The following C1orf21 variants were observed in gnomAD, a reference collection of about 807,000 sequenced individuals.
C1orf21 encodes the protein uncharacterized protein C1orf21.
C1orf21 carries 3 observed loss-of-function variants against 18.7 expected under a neutral mutation model. The ratio of observed to expected loss-of-function variants is 0.16; its 90% confidence interval spans 0.07 to 0.42. The LOEUF is 0.42. Among genes scored for constraint, C1orf21 ranks in the 10% least tolerant of loss-of-function variants. The probability of loss-of-function intolerance (pLI) is 0.99; values close to 1 mark genes in which losing one functional copy is unlikely to be tolerated. For missense variants in C1orf21, 104 were observed against 143.6 expected, an observed-to-expected ratio of 0.72 and a Z score of 1.41; for synonymous variants, 41 against 46.4, an observed-to-expected ratio of 0.88 and a Z score of 0.47.
At chr1:184,457,992 T>C (rs1243783537) in intron 1 of C1orf21, among the ~76,000 whole-genome samples, 2 of 152,148 alleles carry the variant, frequency 1.3e-5, no homozygotes, top group Non-Finnish European at 2.9e-5. Context: ...TCCTGTAAGG[T>C]AGATAGTATT....
chr1:184,621,874 A>G lies in C1orf21; in HGVS notation c.*2318A>G, dbSNP rs1458339831. On this transcript the variant is annotated 3_prime_UTR_variant, in exon 6 of 6. Coordinates refer to ENST00000235307, the MANE Select transcript of C1orf21 (RefSeq NM_030806.4). ...ACACTGGATACATCTTTGATGTGCG[A>G]AAGTGAGTTCATCTTCAGACACATT... 1.3e-5 allele frequency: 2 copies of G among 152,190 alleles called. No homozygotes were observed. Among genetic ancestry groups the G allele is most frequent in the Non-Finnish European group, 2.9e-5 (2 of 68,036 alleles). 9.4% of individuals were successfully genotyped at this position (152,190 alleles called of 1,614,324 possible).
intron 5 of C1orf21, among the ~76,000 whole-genome samples, chr1:184,599,854 G>A (rs112698036): frequency 3.6e-3 from 554 of 152,242 alleles, no homozygotes; most frequent in South Asian, 8.3e-3. Context: ...TCAATTTCTG[G>A]ACTAGGGTTG....
chr1:184,411,435 T>TG, intron 1 of C1orf21, among the ~76,000 whole-genome samples: 1 of 145,656 alleles, frequency 6.9e-6, no homozygotes, highest in South Asian at 2.3e-4. Flanking sequence ...TTTTTTTTTT[T>TG]TTTTGAGACG....
In C1orf21 at chr1:184,533,754, G is replaced by C. The variant is rs183197648; in HGVS notation, c.189+26072G>C. ...CCCCCATAAAATGTCCTTCAGGAAA[G>C]GGTGAATGGATGCCAGCCAGTTCCA... On this transcript the variant is annotated intron_variant, in intron 3 of 5. Transcript: ENST00000235307. Among the ~76,000 whole-genome samples the C allele has an allele frequency of 1.6e-3, 240 of 152,344 alleles. 2 individuals carry two copies. Among genetic ancestry groups the C allele is most frequent in the Non-Finnish European group, 1.7e-3 (117 of 68,032 alleles).
chr1:184,576,660 A>C (rs925914699), intron 3 of C1orf21, among the ~76,000 whole-genome samples: 11 of 152,222 alleles, frequency 7.2e-5, no homozygotes, highest in African/African-American at 2.7e-4. Flanking sequence ...GCAATGCTCA[A>C]CTAAACAGAC....
At chr1:184,458,955 C>T (rs1462189072) in intron 1 of C1orf21, among the ~76,000 whole-genome samples, 8 of 152,180 alleles carry the variant, frequency 5.3e-5, no homozygotes, top group Non-Finnish European at 1.0e-4. Flanking sequence ...TGTTTTTCCA[C>T]TCTTTGAGTG....
At chr1:184,610,999 G>C (rs1408249007) in intron 5 of C1orf21, among the ~76,000 whole-genome samples, 2 of 152,100 alleles carry the variant, frequency 1.3e-5, no homozygotes, top group Non-Finnish European at 2.9e-5. Flanking sequence ...GGGGATTGTT[G>C]TCACTGCTGT....
At chr1:184,410,627 A>AT (rs1339557708) in intron 1 of C1orf21, among the ~76,000 whole-genome samples, 7 of 3,198 alleles carry the variant, frequency 2.2e-3, no homozygotes, top group African/African-American at 7.0e-3. Context: ...TTATATATAT[A>AT]TATATATATA....
At chr1:184,458,680 T>A (rs1163725901) in intron 1 of C1orf21, among the ~76,000 whole-genome samples, 1 of 152,234 alleles carries the variant, frequency 6.6e-6, no homozygotes, top group African/African-American at 2.4e-5. Flanking sequence ...TATCATTAAA[T>A]ATTTCAAAAT....
chr1:184,484,999 A>G (rs965241979), intron 2 of C1orf21, among the ~76,000 whole-genome samples: 2 of 152,152 alleles, frequency 1.3e-5, no homozygotes, highest in African/African-American at 4.8e-5. Context: ...AAATTAAATG[A>G]GAAAATACAT....
intron 1 of C1orf21, among the ~76,000 whole-genome samples, chr1:184,421,604 G>A (rs1285343281): frequency 2.0e-5 from 3 of 152,118 alleles, no homozygotes; most frequent in South Asian, 2.1e-4. Context: ...GAAAGTAAAC[G>A]TGACAGTTTC....
intron 1 of C1orf21, among the ~76,000 whole-genome samples, chr1:184,392,006 C>G (rs1175201734): frequency 6.6e-6 from 1 of 152,190 alleles, no homozygotes; most frequent in Non-Finnish European, 1.5e-5. Context: ...CCGTGCCCGG[C>G]CCCCAAATTA....
chr1:184,460,393 TAAC>T (rs1315852104), intron 1 of C1orf21, among the ~76,000 whole-genome samples: 1 of 152,236 alleles, frequency 6.6e-6, no homozygotes, highest in Non-Finnish European at 1.5e-5. Flanking sequence ...GTGTATGTAT[TAAC>T]AAGAAGTACT....
intron 1 of C1orf21, among the ~76,000 whole-genome samples, chr1:184,457,716 C>T: frequency 6.6e-6 from 1 of 152,100 alleles, no homozygotes; most frequent in Non-Finnish European, 1.5e-5. Context: ...TCTCTTTCCT[C>T]AGTCTGGTTT....
At chr1:184,458,892 A>G (rs1216346951) in intron 1 of C1orf21, among the ~76,000 whole-genome samples, 6 of 152,242 alleles carry the variant, frequency 3.9e-5, no homozygotes, top group Admixed American at 3.9e-4. Flanking sequence ...ATGACTAGAA[A>G]TTAGGGTAGT....
intron 3 of C1orf21, among the ~76,000 whole-genome samples, chr1:184,549,600 C>A (rs1391589741): frequency 4.0e-5 from 6 of 151,128 alleles, no homozygotes; most frequent in African/African-American, 1.5e-4. Flanking sequence ...GATATAACAT[C>A]TTTTGAGTTT....
chr1:184,429,620 A>C (rs1334999625), intron 1 of C1orf21, among the ~76,000 whole-genome samples: 4 of 152,166 alleles, frequency 2.6e-5, no homozygotes, highest in Non-Finnish European at 4.4e-5. Context: ...ACTTAGACGG[A>C]TCTGTTGTTC....
At chr1:184,612,021 A>C (rs988743443) in intron 5 of C1orf21, among the ~76,000 whole-genome samples, 3 of 150,572 alleles carry the variant, frequency 2.0e-5, no homozygotes, top group Admixed American at 1.3e-4. Context: ...AAAAATTTAT[A>C]ATTTTTTAAA....
At chr1:184,550,577 C>T (rs1658798943) in intron 3 of C1orf21, among the ~76,000 whole-genome samples, 1 of 152,130 alleles carries the variant, frequency 6.6e-6, no homozygotes, top group African/African-American at 2.4e-5. Context: ...TTCTGTCACC[C>T]AGGCTGGAGT....
Sources: gnomAD v4.1 joint callset for allele counts (sites outside exome capture counted in the v4.1 genomes callset) on GRCh38, gnomAD v4.1.1 for gene constraint, MANE v1.5 for transcripts, NCBI Gene and HGNC (gene_info 2026-07-23, HGNC 2026-07-21) for gene names.